Variants in MED30 observed in about 807,000 individuals in gnomAD.
MED30 encodes the protein mediator of RNA polymerase II transcription subunit 30.
A neutral mutation model predicts 21.7 loss-of-function variants in MED30; 8 were observed. The ratio of observed to expected loss-of-function variants is 0.37; its 90% CI spans 0.22 to 0.67. MED30 has a LOEUF of 0.67. Among genes scored for constraint, MED30 ranks in the 30% least tolerant of loss-of-function variants. The probability of loss-of-function intolerance (pLI) is 0.58; values close to 1 mark genes in which losing one functional copy is unlikely to be tolerated. For synonymous variants in MED30, 79 were observed against 86.7 expected, an observed-to-expected ratio of 0.91 and a Z score of 0.49; for missense variants, 203 against 228.2, an observed-to-expected ratio of 0.89 and a Z score of 0.71.
chr8:117,534,850 G>GTTTGTT (rs1554634556), intron 3 of MED30, among the ~76,000 whole-genome samples: 5 of 121,048 alleles, frequency 4.1e-5, no homozygotes, highest in African/African-American at 1.5e-4. Context: ...CAAACAAATT[G>GTTTGTT]TTTTTTTTTT....
intron 3 of MED30, among the ~76,000 whole-genome samples, chr8:117,534,955 C>A (rs975032541): frequency 1.4e-5 from 2 of 145,798 alleles, no homozygotes; most frequent in Non-Finnish European, 3.0e-5. Flanking sequence ...ATAATCTTAC[C>A]TACAGTTAAC....
chr8:117,528,678 G>C lies in MED30; in HGVS notation c.205G>C (p.Gly69Arg). The change falls in exon 2 of 4, where the codon GGA (glycine) becomes CGA (arginine). Residue 69 changes from glycine (G) to arginine (R), a missense_variant. By Grantham distance (125) the Gly-to-Arg change is moderately radical. Transcript: ENST00000297347. ...GCCAAATGGTGTCACTTACCACACT[G>C]GAACATATCAAGACCGGTTAACAAA... ...QLPNGVTYHT[G>R]TYQDRLTKLQ... 6.2e-7 allele frequency: 1 copy of C among 1,602,788 alleles called. No homozygotes were observed. Among genetic ancestry groups the C allele is most frequent in the Non-Finnish European group, 8.5e-7 (1 of 1,175,192 alleles).
intron 3 of MED30, among the ~76,000 whole-genome samples, chr8:117,534,781 G>A (rs2130817438): frequency 6.7e-6 from 1 of 148,832 alleles, no homozygotes; most frequent in South Asian, 2.1e-4. Context: ...CTAACATTTG[G>A]TTAACTTAAA....
intron 1 of MED30, chr8:117,523,650 G>T: frequency 1.3e-6 from 2 of 1,596,920 alleles, no homozygotes; most frequent in Non-Finnish European, 8.6e-7. Flanking sequence ...ACACATTCTT[G>T]TCTGCCAGCT....
intron 1 of MED30, 105 bp downstream of exon 1, chr8:117,521,158 G>A: frequency 2.7e-6 from 3 of 1,122,814 alleles, no homozygotes; most frequent in Admixed American, 3.1e-5. Flanking sequence ...GCTGCCCTGG[G>A]CAAACCTTAG....
Position 117,520,744 on chromosome 8 carries a change from C to T in MED30, c.-133C>T, listed in dbSNP as rs942534010. On this transcript the variant is annotated 5_prime_UTR_variant, in exon 1 of 4. Transcript: ENST00000297347. ...CGTCACAGTGGGCGGAAGTCGCGGCCGCTGTTTTGAAATCGGGCCGCGGGG... is the reference window on the plus strand; with the variant it reads ...CGTCACAGTGGGCGGAAGTCGCGGCTGCTGTTTTGAAATCGGGCCGCGGGG... 2.2e-5 allele frequency: 19 copies of T among 878,048 alleles called. No individual in the cohort carries two copies. The South Asian group carries it at 2.7e-4, about 13-fold the overall frequency. The allele number at this position is 878,048 out of a possible 1,614,324, so 54.4% of individuals were successfully genotyped here. A position where few individuals can be genotyped will look rare whatever the true frequency, so the allele number is the denominator to read the frequency against.
chr8:117,534,304 T>C (rs1357864920), intron 3 of MED30, among the ~76,000 whole-genome samples: 7 of 152,164 alleles, frequency 4.6e-5, no homozygotes, highest in African/African-American at 1.2e-4. Context: ...TTTCTCTGCA[T>C]CAGTTTATAG....
At chr8:117,525,115 A>G (rs764419973) in intron 1 of MED30, among the ~76,000 whole-genome samples, 1 of 152,156 alleles carries the variant, frequency 6.6e-6, no homozygotes, top group African/African-American at 2.4e-5. Context: ...GTAATTAGAT[A>G]CATTTTGATG....
chr8:117,527,618 GCTTTT>G (rs796856634), intron 1 of MED30, among the ~76,000 whole-genome samples: 30 of 142,556 alleles, frequency 2.1e-4, no homozygotes, highest in African/African-American at 7.2e-4. Context: ...ATTGTATCAT[GCTTTT>G]CTTTTTTTCT....
chr8:117,522,330 C>T (rs1048112696), intron 1 of MED30, among the ~76,000 whole-genome samples: 41 of 152,154 alleles, frequency 2.7e-4, no homozygotes, highest in African/African-American at 9.4e-4. Context: ...AGGTCTACAA[C>T]CTATATTTAG....
At position 117,530,726 on chromosome 8, in the gene MED30, C is replaced by A; in HGVS notation, c.340C>A (p.Leu114Ile). ...AATTTTTGTTAATCATTCCCAGCAACTTATTCCATATGTGGAAGAAGATGG... is the reference window on the plus strand; with the variant it reads ...AATTTTTGTTAATCATTCCCAGCAAATTATTCCATATGTGGAAGAAGATGG... ...GGMDPIPVEQLIPYVEEDGSK... is the reference protein window; with the variant it reads ...GGMDPIPVEQIIPYVEEDGSK... Residue 114 changes from leucine to isoleucine, a missense_variant, in exon 3 of 4, where the codon CTT (leucine) becomes ATT (isoleucine). Leu to Ile is a conservative substitution (Grantham distance 5, BLOSUM62 2). Coordinates refer to ENST00000297347, the MANE Select transcript of MED30 (RefSeq NM_080651.4). 1 of 1,608,850 alleles carries A rather than the reference C, an allele frequency of 6.2e-7. No individual in the cohort carries two copies. Among genetic ancestry groups the A allele is most frequent in the Non-Finnish European group, 8.5e-7 (1 of 1,177,382 alleles).
At chr8:117,524,218 CA>C (rs552933063) in intron 1 of MED30, among the ~76,000 whole-genome samples, 1 of 151,838 alleles carries the variant, frequency 6.6e-6, no homozygotes, top group Non-Finnish European at 1.5e-5. Context: ...CCTTCATTTC[CA>C]AAAAAACTAG....
intron 2 of MED30, 22 bp from the exon 3 acceptor site, chr8:117,530,701 A>G (rs1352247569): frequency 6.3e-7 from 1 of 1,580,418 alleles, no homozygotes; most frequent in East Asian, 2.2e-5. Context: ...TTTGCCTTTT[A>G]ATTTTTGTTA....
At position 117,538,694 on chromosome 8, in the gene MED30, C is replaced by CTTGT. The variant is rs1818922947; in HGVS notation, c.442-1186_442-1183dup. 2.6e-5 allele frequency among the ~76,000 whole-genome samples: 4 copies of CTTGT among 152,176 alleles called. 1 individual carries two copies. Among genetic ancestry groups the CTTGT allele is most frequent in the Admixed American group, 2.6e-4 (4 of 15,290 alleles). On this transcript the variant is annotated intron_variant, in intron 3 of 3. Coordinates refer to ENST00000297347, the MANE Select transcript of MED30 (RefSeq NM_080651.4). ...CTGACCAGAAGTTCTCTATTTCTAT[C>CTTGT]TTGTTTTATCTAAGCAGACATTTAC...
At chr8:117,536,949 T>C (rs923545931) in intron 3 of MED30, among the ~76,000 whole-genome samples, 1 of 152,216 alleles carries the variant, frequency 6.6e-6, no homozygotes, top group African/African-American at 2.4e-5. Context: ...TCATAATGTT[T>C]TAAGAAAGCT....
chr8:117,537,529 G>A (rs1422126138), intron 3 of MED30, among the ~76,000 whole-genome samples: 1 of 151,970 alleles, frequency 6.6e-6, no homozygotes, highest in Non-Finnish European at 1.5e-5. Context: ...GCTATCCCAA[G>A]AGCCTTATAA....
chr8:117,530,376 G>A (rs1226535508), intron 2 of MED30: 4 of 155,904 alleles, frequency 2.6e-5, no homozygotes, highest in African/African-American at 9.6e-5. Context: ...CTTTTATAGT[G>A]TTTCATAATT....
intron 1 of MED30, among the ~76,000 whole-genome samples, chr8:117,521,705 C>CT (rs138146295): frequency 0.031 from 4,611 of 147,552 alleles, 164 homozygotes; most frequent in African/African-American, 0.091. Flanking sequence ...AGTATGTGGG[C>CT]TTTTTTTTTT....
intron 3 of MED30, among the ~76,000 whole-genome samples, chr8:117,532,808 A>G (rs1429445556): frequency 6.6e-6 from 1 of 152,066 alleles, no homozygotes; most frequent in Admixed American, 6.6e-5. Context: ...AACTCACAGT[A>G]AAAAATTGGT....
Sources: gnomAD v4.1 joint callset for allele counts (sites outside exome capture counted in the v4.1 genomes callset) on GRCh38, gnomAD v4.1.1 for gene constraint, MANE v1.5 for transcripts, NCBI Gene and HGNC (gene_info 2026-07-23, HGNC 2026-07-21) for gene names.